NTRK2: variants seen among roughly 807,000 people sequenced by gnomAD.
The protein encoded by NTRK2 is neurotrophic receptor tyrosine kinase 2.
In NTRK2, 13 loss-of-function variants were observed where a neutral mutation model predicts 94.5. The observed-to-expected ratio is 0.14, with a 90% confidence interval of 0.09 to 0.22. The LOEUF (loss-of-function observed/expected upper bound fraction) is 0.22. NTRK2 is among the 10% of genes least tolerant of loss of function. The pLI is 1.00. For synonymous variants in NTRK2, 372 were observed against 407.4 expected, an observed-to-expected ratio of 0.91 and a Z score of 1.05; for missense variants, 639 against 1,071.2, an observed-to-expected ratio of 0.60 and a Z score of 5.63.
intron 12 of NTRK2, among the ~76,000 whole-genome samples, chr9:84,774,247 A>T (rs927766755): frequency 6.6e-6 from 1 of 152,170 alleles, no homozygotes; most frequent in African/African-American, 2.4e-5. Context: ...ACATGGACAA[A>T]GTCAGAAACG....
chr9:84,797,586 C>T (rs62562383), intron 12 of NTRK2, among the ~76,000 whole-genome samples: 2,300 of 51,306 alleles, frequency 0.045, 112 homozygotes, highest in East Asian at 0.12. Context: ...ATTATATATA[C>T]TATATATACT....
Position 84,873,340 on chromosome 9 carries a change from C to T in NTRK2, c.1633+5909C>T, listed in dbSNP as rs980741109. 4.7e-6 allele frequency: 5 copies of T among 1,058,446 alleles called. No individual in the cohort carries two copies. In the African/African-American group the frequency reaches 8.2e-5, roughly 17 times the overall value. 65.6% of individuals were successfully genotyped at this position (1,058,446 alleles called of 1,614,324 possible). A position where few individuals can be genotyped will look rare whatever the true frequency, so the allele number is the denominator to read the frequency against. On this transcript the variant is annotated intron_variant, in intron 14 of 18. Transcript: ENST00000277120. Reference sequence around the variant, plus strand: ...TAAAAATAAGCTAAGTCCATTCTGCCCAGCACGAGCATTAGGACAGAGAAT... The same window carrying T: ...TAAAAATAAGCTAAGTCCATTCTGCTCAGCACGAGCATTAGGACAGAGAAT...
chr9:84,864,309 T>C (rs1266787684), intron 13 of NTRK2, among the ~76,000 whole-genome samples: 1 of 151,552 alleles, frequency 6.6e-6, no homozygotes, highest in African/African-American at 2.4e-5. Flanking sequence ...GAAACTCCTG[T>C]ACAAAGGCAT....
intron 17 of NTRK2, among the ~76,000 whole-genome samples, chr9:85,019,992 T>C (rs1160748787): frequency 1.3e-5 from 2 of 152,204 alleles, no homozygotes; most frequent in African/African-American, 4.8e-5. Flanking sequence ...AGAGAAAGAA[T>C]TGCAGATAAT....
chr9:84,738,409 G>A (rs540255827), intron 9 of NTRK2, among the ~76,000 whole-genome samples: 1 of 152,226 alleles, frequency 6.6e-6, no homozygotes, highest in South Asian at 2.1e-4. Context: ...ATAACAGTGT[G>A]CAACAGTATG....
intron 2 of NTRK2, among the ~76,000 whole-genome samples, chr9:84,699,228 G>C (rs1307272930): frequency 2.0e-5 from 3 of 151,966 alleles, no homozygotes; most frequent in Non-Finnish European, 4.4e-5. Context: ...AGTTGAGACG[G>C]GGTTTCACCA....
chr9:84,941,851 A>G (rs1266774879), intron 15 of NTRK2, among the ~76,000 whole-genome samples: 2 of 152,220 alleles, frequency 1.3e-5, no homozygotes, highest in Non-Finnish European at 2.9e-5. Context: ...AGTATAAACC[A>G]TCTATTTTAT....
chr9:84,913,114 T>C (rs2077292488), intron 14 of NTRK2, among the ~76,000 whole-genome samples: 1 of 152,202 alleles, frequency 6.6e-6, no homozygotes, highest in Non-Finnish European at 1.5e-5. Flanking sequence ...TGATTGTTGT[T>C]TTTGTTTCTC....
chr9:84,939,824 G>A (rs1041676215), intron 15 of NTRK2, among the ~76,000 whole-genome samples: 1 of 151,996 alleles, frequency 6.6e-6, no homozygotes, highest in Non-Finnish European at 1.5e-5. Context: ...GGGAATGAAC[G>A]ATTCTCTTTC....
intron 17 of NTRK2, among the ~76,000 whole-genome samples, chr9:85,012,694 C>CATT (rs1049176427): frequency 9.2e-5 from 14 of 151,772 alleles, no homozygotes; most frequent in Non-Finnish European, 1.3e-4. Flanking sequence ...TCATTTCTAT[C>CATT]ATTATTATTA....
At chr9:84,739,921 T>A (rs1239036224) in intron 9 of NTRK2, among the ~76,000 whole-genome samples, 1 of 152,220 alleles carries the variant, frequency 6.6e-6, no homozygotes, top group Non-Finnish European at 1.5e-5. Flanking sequence ...AATCAGTGAA[T>A]GTGAATTGTG....
At chr9:84,804,821 C>T (rs2070916755) in intron 12 of NTRK2, among the ~76,000 whole-genome samples, 1 of 152,160 alleles carries the variant, frequency 6.6e-6, no homozygotes, top group African/African-American at 2.4e-5. Flanking sequence ...GATATCGACC[C>T]TATAGATTTT....
intron 14 of NTRK2, chr9:84,872,302 CA>C: frequency 1.8e-6 from 2 of 1,112,800 alleles, no homozygotes; most frequent in African/African-American, 3.1e-5. Context: ...CTGAAACAAA[CA>C]AACAGAAACA....
intron 16 of NTRK2, among the ~76,000 whole-genome samples, chr9:84,953,454 C>T (rs751801997): frequency 1.5e-4 from 23 of 152,206 alleles, no homozygotes; most frequent in Admixed American, 5.2e-4. Flanking sequence ...GGTTATGTAA[C>T]TCACCCAAAA....
intron 12 of NTRK2, among the ~76,000 whole-genome samples, chr9:84,825,295 A>G (rs1432836152): frequency 6.6e-6 from 1 of 151,944 alleles, no homozygotes; most frequent in Non-Finnish European, 1.5e-5. Context: ...TGAGCCCCAC[A>G]TTATCTTCCC....
chr9:84,934,318 A>G (rs368336418), intron 15 of NTRK2, 26 bp downstream of exon 15: 4 of 1,613,034 alleles, frequency 2.5e-6, no homozygotes, highest in South Asian at 1.1e-5. Context: ...AGAATGTCTC[A>G]TTAACCATGA....
chr9:84,893,803 C>T (rs2076667255), intron 14 of NTRK2, among the ~76,000 whole-genome samples: 1 of 152,196 alleles, frequency 6.6e-6, no homozygotes, highest in Admixed American at 6.5e-5. Flanking sequence ...GCTCATTCTG[C>T]CTTCAATGTA....
intron 15 of NTRK2, among the ~76,000 whole-genome samples, chr9:84,946,747 A>G (rs1444444664): frequency 6.6e-6 from 1 of 152,206 alleles, no homozygotes; most frequent in African/African-American, 2.4e-5. Context: ...TGGTGGTCAG[A>G]CACCTGAAAT....
At chr9:84,830,592 C>T (rs558774253) in intron 12 of NTRK2, among the ~76,000 whole-genome samples, 1 of 151,772 alleles carries the variant, frequency 6.6e-6, no homozygotes, top group African/African-American at 2.4e-5. Flanking sequence ...TTTCTTTGAA[C>T]TGTTCTTAGC....
Sources: allele counts gnomAD v4.1 joint callset (sites outside exome capture counted in the v4.1 genomes callset), GRCh38; gene constraint gnomAD v4.1.1; transcripts MANE v1.5; gene names NCBI Gene and HGNC (gene_info 2026-07-23, HGNC 2026-07-21).